The following EMSY variants were observed in gnomAD, a reference collection of about 807,000 sequenced individuals.
EMSY encodes EMSY transcriptional repressor, BRCA2 interacting.
In EMSY, 26 loss-of-function variants were observed where a neutral mutation model predicts 134.6. The ratio of observed to expected loss-of-function variants is 0.19; its 90% CI spans 0.14 to 0.27. The LOEUF is 0.27. Among genes scored for constraint, EMSY ranks in the 10% least tolerant of loss-of-function variants. The pLI, the probability that EMSY is intolerant of heterozygous loss-of-function variation, is 1.00. For synonymous variants in EMSY, 579 were observed against 577.8 expected (o/e 1.00, Z -0.03); for missense variants, 1,305 against 1,611.4 (o/e 0.81, Z 3.26).
intron 19 of EMSY, among the ~76,000 whole-genome samples, 168 bp from the exon 21 acceptor site, chr11:76,545,629 A>G (rs1446877142): frequency 6.6e-6 from 1 of 152,178 alleles, no homozygotes; most frequent in African/African-American, 2.4e-5. Flanking sequence ...GGTTTTGTAA[A>G]AGTAACCAGA....
At chr11:76,450,148 T>C (rs1283930325) in intron 2 of EMSY, among the ~76,000 whole-genome samples, 3 of 152,028 alleles carry the variant, frequency 2.0e-5, no homozygotes, top group Admixed American at 1.3e-4. Context: ...ATTTCTCTTC[T>C]GCACTTAACT....
At chr11:76,446,695 A>T (rs906693978) in intron 1 of EMSY, among the ~76,000 whole-genome samples, 1 of 152,328 alleles carries the variant, frequency 6.6e-6, no homozygotes, top group Admixed American at 6.5e-5. Flanking sequence ...CTGGCTCTAA[A>T]GCCTGTGTTC....
At chr11:76,447,224 A>G (rs1297009045) in intron 2 of EMSY, among the ~76,000 whole-genome samples, 1 of 152,218 alleles carries the variant, frequency 6.6e-6, no homozygotes, top group African/African-American at 2.4e-5. Flanking sequence ...AGTAGCTAAG[A>G]TTTATTGAGG....
At chr11:76,545,304 G>A (rs1023191112) in intron 19 of EMSY, among the ~76,000 whole-genome samples, 2 of 151,932 alleles carry the variant, frequency 1.3e-5, no homozygotes, top group African/African-American at 4.8e-5. Flanking sequence ...AGGAATTATT[G>A]GTGGATAATT....
intron 6 of EMSY, among the ~76,000 whole-genome samples, chr11:76,462,432 G>A (rs1232677924): frequency 6.6e-6 from 1 of 152,166 alleles, no homozygotes; most frequent in African/African-American, 2.4e-5. Context: ...CTATACTGGG[G>A]AAACAAACCA....
chr11:76,523,176 C>T (rs999945073), exon 12 of EMSY: 1 of 1,612,900 alleles, frequency 6.2e-7, no homozygotes, highest in Non-Finnish European at 8.5e-7. Flanking sequence ...AAAATCACTA[C>T]AATCCCAATG....
chr11:76,538,138 T>C (rs1425578622), intron 16 of EMSY, among the ~76,000 whole-genome samples, 188 bp downstream of exon 17: 2 of 152,234 alleles, frequency 1.3e-5, no homozygotes, highest in South Asian at 2.1e-4. Flanking sequence ...TAGGATGTTA[T>C]GAAGTTTGTA....
exon 14 of EMSY, chr11:76,528,291 G>A (rs778251654): frequency 6.2e-7 from 1 of 1,613,512 alleles, no homozygotes; most frequent in Non-Finnish European, 8.5e-7. Context: ...CCAAACCAGT[G>A]ACTTTTCAAG....
intron 9 of EMSY, among the ~76,000 whole-genome samples, chr11:76,501,397 T>C (rs2135907194): frequency 6.6e-6 from 1 of 152,276 alleles, no homozygotes; most frequent in East Asian, 1.9e-4. Flanking sequence ...ATTACAAATA[T>C]GTTCACAGAA....
At chr11:76,464,607 C>T (rs569307255) in intron 7 of EMSY, among the ~76,000 whole-genome samples, 1 of 152,132 alleles carries the variant, frequency 6.6e-6, no homozygotes, top group Non-Finnish European at 1.5e-5. Context: ...TGTTTTTAGA[C>T]CCCTCTGTCT....
intron 1 of EMSY, among the ~76,000 whole-genome samples, chr11:76,446,015 G>T (rs926625224): frequency 1.3e-5 from 2 of 152,198 alleles, no homozygotes; most frequent in Admixed American, 1.3e-4. Context: ...CAGTTATTTC[G>T]GTTCGGTGTC....
At chr11:76,482,327 C>G (rs568524214) in intron 8 of EMSY, among the ~76,000 whole-genome samples, 11 of 152,276 alleles carry the variant, frequency 7.2e-5, no homozygotes, top group African/African-American at 2.6e-4. Context: ...ATTCCAAAAA[C>G]CAGAATGCCT....
chr11:76,523,947 G>A (rs1023795524), intron 12 of EMSY, among the ~76,000 whole-genome samples: 6 of 152,020 alleles, frequency 3.9e-5, no homozygotes, highest in African/African-American at 1.2e-4. Context: ...TTACTTGGGA[G>A]GCTAAGGTGG....
At chr11:76,467,545 C>T (rs1565286244) in intron 7 of EMSY, among the ~76,000 whole-genome samples, 1 of 152,142 alleles carries the variant, frequency 6.6e-6, no homozygotes, top group Non-Finnish European at 1.5e-5. Context: ...TCTTATTCTT[C>T]AATGTATTCC....
chr11:76,448,218 C>T (rs946990894), intron 2 of EMSY, among the ~76,000 whole-genome samples: 4 of 152,146 alleles, frequency 2.6e-5, no homozygotes, highest in African/African-American at 9.7e-5. Context: ...CCCTGCCTGT[C>T]CTTTTTATTC....
At chr11:76,516,561 T>G (rs1342501408) in intron 11 of EMSY, 1 of 252,982 alleles carries the variant, frequency 4.0e-6, no homozygotes, top group Non-Finnish European at 7.5e-6. Context: ...GGAAAGATTA[T>G]AGTTTAAATT....
At chr11:76,514,417 C>G (rs1408262432) in intron 10 of EMSY, among the ~76,000 whole-genome samples, 1 of 151,992 alleles carries the variant, frequency 6.6e-6, no homozygotes, top group Non-Finnish European at 1.5e-5. Context: ...TATAAGCTGT[C>G]ATTTATTGGC....
At chr11:76,530,162 T>G (rs1417974880) in intron 14 of EMSY, among the ~76,000 whole-genome samples, 1 of 149,168 alleles carries the variant, frequency 6.7e-6, no homozygotes, top group Non-Finnish European at 1.5e-5. Context: ...AGGGTTTTTT[T>G]TTTTTTTTTT....
intron 7 of EMSY, among the ~76,000 whole-genome samples, chr11:76,470,590 G>A (rs1285523456): frequency 6.6e-6 from 1 of 152,004 alleles, no homozygotes; most frequent in Non-Finnish European, 1.5e-5. Context: ...ACACTCCGGT[G>A]CAGGCAGCCT....
Sources: gnomAD v4.1 joint callset for allele counts (sites outside exome capture counted in the v4.1 genomes callset) on GRCh38, gnomAD v4.1.1 for gene constraint, MANE v1.5 for transcripts, NCBI Gene and HGNC (gene_info 2026-07-23, HGNC 2026-07-21) for gene names.